The following NFIA variants were observed in gnomAD, a reference collection of about 807,000 sequenced individuals.
NFIA encodes the protein nuclear factor 1 A-type.
In NFIA, 8 loss-of-function variants were observed where a neutral mutation model predicts 62.8. The observed-to-expected ratio is 0.13, with a 90% confidence interval of 0.07 to 0.23. The LOEUF is 0.23. NFIA is among the 10% of genes least tolerant of loss of function. NFIA has a pLI of 1.00. For synonymous variants in NFIA, 235 were observed against 238.1 expected, an observed-to-expected ratio of 0.99 and a Z score of 0.12; for missense variants, 410 against 642.1, an observed-to-expected ratio of 0.64 and a Z score of 3.91.
At chr1:61,298,493 C>T (rs1278837320) in intron 3 of NFIA, among the ~76,000 whole-genome samples, 1 of 152,188 alleles carries the variant, frequency 6.6e-6, no homozygotes, top group Non-Finnish European at 1.5e-5. Context: ...TGGCCATGGA[C>T]TCACTGTCAC....
chr1:61,294,134 A>T (rs758879822), intron 3 of NFIA, among the ~76,000 whole-genome samples: 1 of 152,218 alleles, frequency 6.6e-6, no homozygotes, highest in Non-Finnish European at 1.5e-5. Context: ...CAGGTGTGTA[A>T]GCACAGTACA....
intron 7 of NFIA, among the ~76,000 whole-genome samples, chr1:61,395,726 A>T (rs1665234335): frequency 6.6e-6 from 1 of 152,316 alleles, no homozygotes; most frequent in African/African-American, 2.4e-5. Context: ...AATTAGTGTG[A>T]GAATATGGTC....
At chr1:61,218,997 C>T (rs1461228562) in intron 2 of NFIA, among the ~76,000 whole-genome samples, 5 of 151,754 alleles carry the variant, frequency 3.3e-5, no homozygotes, top group Admixed American at 6.6e-5. Flanking sequence ...TTTGGGAGGC[C>T]GAGGCGGGCA....
At chr1:61,127,886 T>C (rs1647003533) in intron 2 of NFIA, among the ~76,000 whole-genome samples, 1 of 152,140 alleles carries the variant, frequency 6.6e-6, no homozygotes, top group Non-Finnish European at 1.5e-5. Context: ...TGAAAACAGA[T>C]GTGGTATTGA....
intron 9 of NFIA, among the ~76,000 whole-genome samples, chr1:61,411,453 A>G (rs559115455): frequency 8.5e-5 from 13 of 152,170 alleles, no homozygotes; most frequent in African/African-American, 2.9e-4. Flanking sequence ...TTCACAACCA[A>G]TGTGCTCCAT....
Position 61,376,631 on chromosome 1 carries a change from A to C in NFIA, c.947-6606A>C, listed in dbSNP as rs181647828. On this transcript the variant is annotated intron_variant, in intron 6 of 10. Transcript: ENST00000403491. ...TGGGTTTTTTTGCATACACTTTTGT[A>C]TCTGATATACCCTTCCTTTTTTTCC... Among the ~76,000 whole-genome samples the C allele has an allele frequency of 2.0e-5, 3 of 152,264 alleles. No homozygotes were observed. The East Asian group carries it at 5.8e-4, about 29-fold the overall frequency.
rs575063171 is a variant in NFIA, at chr1:61,172,025, CAG to C, written c.559+83346_559+83347del. On this transcript the variant is annotated intron_variant, in intron 2 of 10. Coordinates refer to ENST00000403491, the MANE Select transcript of NFIA (RefSeq NM_001134673.4). ...CATAGAGCTCCAAGGACTTCAACCT[CAG>C]GGGAGAAAAGCAGTAATTTATGGAT... 1.8e-3 allele frequency among the ~76,000 whole-genome samples: 267 copies of C among 152,274 alleles called. 1 individual carries two copies. Among genetic ancestry groups the C allele is most frequent in the Middle Eastern group, 0.01 (3 of 292 alleles).
intron 2 of NFIA, among the ~76,000 whole-genome samples, chr1:61,106,945 TATACATAC>T (rs1646612330): frequency 6.7e-6 from 1 of 149,848 alleles, no homozygotes; most frequent in Non-Finnish European, 1.5e-5. Context: ...CACACATACA[TATACATAC>T]ATATATATAT....
chr1:61,208,041 A>G (rs979503212), intron 2 of NFIA, among the ~76,000 whole-genome samples: 3 of 148,530 alleles, frequency 2.0e-5, no homozygotes, highest in Non-Finnish European at 3.0e-5. Flanking sequence ...ACTGTCTGCA[A>G]TGCGTGAAGC....
rs74086704 is a variant in NFIA, at chr1:61,252,898, A to G, written c.560-24622A>G. Among the ~76,000 whole-genome samples, 919 of 152,118 alleles carry G rather than the reference A, an allele frequency of 6.0e-3. 7 individuals are homozygous for G. The highest frequency in any genetic ancestry group is 0.021 in the African/African-American group (851 of 41,482). ...AACTTCTATTCTATTTTGTATTCCT[A>G]CTCTTTACAGAGTTTTAGAGATGTT... On this transcript the variant is annotated intron_variant, in intron 2 of 10. Transcript: ENST00000403491.
intron 2 of NFIA, among the ~76,000 whole-genome samples, chr1:61,092,704 T>C (rs1190879467): frequency 6.6e-6 from 1 of 152,230 alleles, no homozygotes; most frequent in African/African-American, 2.4e-5. Flanking sequence ...AGAGAGCTAC[T>C]CCCATTCAGG....
In NFIA at chr1:61,393,748, G is replaced by A. The variant is rs182419100; in HGVS notation, c.1076-10356G>A. 1.7e-3 allele frequency among the ~76,000 whole-genome samples: 253 copies of A among 152,226 alleles called. 1 individual carries two copies. Among genetic ancestry groups the A allele is most frequent in the African/African-American group, 5.7e-3 (236 of 41,540 alleles). On this transcript the variant is annotated intron_variant, in intron 7 of 10. Coordinates refer to ENST00000403491, the MANE Select transcript of NFIA (RefSeq NM_001134673.4). ...AGAAGGGGTGAAGAACTGCTGGGCA[G>A]GCAAAAATAATAGCTACCCCCAGGA...
intron 2 of NFIA, among the ~76,000 whole-genome samples, chr1:61,252,264 C>T (rs1158630021): frequency 6.6e-6 from 1 of 152,190 alleles, no homozygotes; most frequent in African/African-American, 2.4e-5. Flanking sequence ...GTTGAATTTT[C>T]ATGGCCAACA....
intron 6 of NFIA, among the ~76,000 whole-genome samples, chr1:61,370,020 T>G (rs563809901): frequency 6.6e-6 from 1 of 152,278 alleles, no homozygotes; most frequent in South Asian, 2.1e-4. Context: ...TTGTTAACAC[T>G]CCAGAATAAG....
chr1:61,282,897 A>G (rs1658223893), intron 3 of NFIA, among the ~76,000 whole-genome samples: 1 of 151,156 alleles, frequency 6.6e-6, no homozygotes, highest in South Asian at 2.1e-4. Context: ...TTTAGGTTTA[A>G]TCATGTTTGT....
intron 2 of NFIA, among the ~76,000 whole-genome samples, chr1:61,126,594 T>C (rs1646975287): frequency 6.6e-6 from 1 of 152,056 alleles, no homozygotes; most frequent in Admixed American, 6.6e-5. Context: ...GTTTCATCTT[T>C]CCCTGCCTGA....
At chr1:61,323,766 C>T (rs141367027) in intron 3 of NFIA, among the ~76,000 whole-genome samples, 4 of 152,198 alleles carry the variant, frequency 2.6e-5, no homozygotes, top group Non-Finnish European at 4.4e-5. Flanking sequence ...ATTTACATCA[C>T]GCTTTAGAGG....
intron 6 of NFIA, among the ~76,000 whole-genome samples, 171 bp from the exon 7 acceptor site, chr1:61,383,066 T>C (rs565919676): frequency 1.6e-4 from 25 of 152,376 alleles, no homozygotes; most frequent in Non-Finnish European, 3.1e-4. Flanking sequence ...GGGACTATTC[T>C]GTCACCTCTT....
At chr1:61,352,344 A>G (rs1662589138) in intron 4 of NFIA, 106 bp from the exon 5 acceptor site, 2 of 752,840 alleles carry the variant, frequency 2.7e-6, no homozygotes, top group Non-Finnish European at 4.5e-6. Flanking sequence ...ATTCGCTTAC[A>G]TATAAATGCA....
Sources: allele counts gnomAD v4.1 joint callset (sites outside exome capture counted in the v4.1 genomes callset), GRCh38; gene constraint gnomAD v4.1.1; transcripts MANE v1.5; gene names NCBI Gene and HGNC (gene_info 2026-07-23, HGNC 2026-07-21).